Variants in ASF1A observed in about 807,000 individuals in gnomAD.
ASF1A encodes histone chaperone ASF1A.
In ASF1A, 5 loss-of-function variants were observed where a neutral mutation model predicts 22.0. The observed-to-expected ratio is 0.23, with a 90% CI of 0.12 to 0.48. The LOEUF is 0.48. ASF1A is among the 20% of genes least tolerant of loss of function. ASF1A has a pLI of 0.99. For missense variants in ASF1A, 137 were observed against 240.6 expected (o/e 0.57, Z 2.85); for synonymous variants, 97 against 86.7 (o/e 1.12, Z -0.66).
intron 2 of ASF1A, among the ~76,000 whole-genome samples, chr6:118,903,905 A>G (rs1779987235): frequency 6.6e-6 from 1 of 152,216 alleles, no homozygotes; most frequent in African/African-American, 2.4e-5. Flanking sequence ...GATTATCACC[A>G]CGTTTTAAAG....
At chr6:118,898,451 A>G (rs1459724233) in intron 1 of ASF1A, among the ~76,000 whole-genome samples, 3 of 149,158 alleles carry the variant, frequency 2.0e-5, no homozygotes, top group East Asian at 1.9e-4. Flanking sequence ...TTTGGAGACA[A>G]TCTCGTTCCA....
chr6:118,894,871 C>T (rs1431202254), intron 1 of ASF1A, among the ~76,000 whole-genome samples: 1 of 152,180 alleles, frequency 6.6e-6, no homozygotes, highest in Non-Finnish European at 1.5e-5. Flanking sequence ...CAACAGCCTC[C>T]GCGACCCTCC....
chr6:118,900,901 A>G lies in ASF1A; in HGVS notation c.225+20A>G. The G allele has an allele frequency of 2.7e-6, 4 of 1,472,128 alleles. No homozygotes were observed. The highest frequency in any genetic ancestry group is 1.1e-5 in the South Asian group (1 of 88,290). The allele number at this position is 1,472,128 out of a possible 1,614,324, so 91.2% of individuals were successfully genotyped here. A position where few individuals can be genotyped will look rare whatever the true frequency, so the allele number is the denominator to read the frequency against. On this transcript the variant is annotated intron_variant, in intron 2 of 3. Coordinates refer to ENST00000229595, the MANE Select transcript of ASF1A (RefSeq NM_014034.3). Reference sequence around the variant, plus strand: ...TTTCAGGTAAGATTAATCTTGGTAAATGTGTATGCCAAATATGTTTCGAAG... The same window carrying G: ...TTTCAGGTAAGATTAATCTTGGTAAGTGTGTATGCCAAATATGTTTCGAAG...
intron 1 of ASF1A, among the ~76,000 whole-genome samples, chr6:118,895,799 T>A (rs1196503088): frequency 6.6e-6 from 1 of 152,166 alleles, no homozygotes. Context: ...ATGTAAAAAA[T>A]GCATTGAAGA....
intron 1 of ASF1A, among the ~76,000 whole-genome samples, chr6:118,899,886 A>T (rs1176958142): frequency 1.3e-5 from 2 of 152,226 alleles, no homozygotes; most frequent in African/African-American, 4.8e-5. Flanking sequence ...TACCCAAAGA[A>T]GATGAAGAGG....
chr6:118,905,918 G>T, intron 3 of ASF1A, 90 bp downstream of exon 3: 1 of 978,370 alleles, frequency 1.0e-6, no homozygotes, highest in Non-Finnish European at 1.5e-6. Flanking sequence ...CTATTAAAAT[G>T]GCTTTGAGAT....
chr6:118,904,468 C>T (rs140695885), intron 2 of ASF1A, among the ~76,000 whole-genome samples: 69 of 152,316 alleles, frequency 4.5e-4, no homozygotes, highest in African/African-American at 1.6e-3. Flanking sequence ...GATCCATTTA[C>T]CACCCAGAAT....
intron 1 of ASF1A, among the ~76,000 whole-genome samples, chr6:118,899,639 A>C (rs1779670235): frequency 6.6e-6 from 1 of 152,226 alleles, no homozygotes; most frequent in South Asian, 2.1e-4. Flanking sequence ...TTGCTGACTT[A>C]ATAAGAGAAA....
chr6:118,905,819 C>T lies in ASF1A; in HGVS notation c.393C>T (p.Asp131=), dbSNP rs746927496. ...ELRENPPVKP[D]FSKLQRNILA... is the part of the protein sequence containing the mutation. ...GGGAAAATCCACCAGTAAAACCAGACTTTTCTAAGGTAATGTTCTTACTAT... is the reference window on the plus strand; with the variant it reads ...GGGAAAATCCACCAGTAAAACCAGATTTTTCTAAGGTAATGTTCTTACTAT... Residue 131 remains aspartate (D), a synonymous_variant, in exon 3 of 4, where the codon GAC becomes GAT. Transcript: ENST00000229595. The T allele has an allele frequency of 5.6e-6, 9 of 1,599,328 alleles. No homozygotes were observed. In the East Asian group the frequency reaches 1.6e-4, roughly 28 times the overall value.
intron 2 of ASF1A, among the ~76,000 whole-genome samples, chr6:118,902,558 G>T: frequency 8.6e-6 from 1 of 116,106 alleles, no homozygotes; most frequent in South Asian, 2.6e-4. Context: ...GCTACTATAA[G>T]AACTTACAAA....
At chr6:118,899,232 G>C (rs1233326102) in intron 1 of ASF1A, among the ~76,000 whole-genome samples, 1 of 152,152 alleles carries the variant, frequency 6.6e-6, no homozygotes, top group Non-Finnish European at 1.5e-5. Flanking sequence ...AATGAAAGTT[G>C]GCTCCTGTTA....
Position 118,907,465 on chromosome 6 carries a change from AAC to A in ASF1A, c.470_471del (p.Thr157ArgfsTer10). 1 of 1,613,120 alleles carries A rather than the reference AAC, an allele frequency of 6.2e-7. No individual in the cohort carries two copies. The highest frequency in any genetic ancestry group is 8.5e-7 in the Non-Finnish European group (1 of 1,179,452). On this transcript the variant is annotated frameshift_variant, in exon 4 of 4. Coordinates refer to ENST00000229595, the MANE Select transcript of ASF1A (RefSeq NM_014034.3). LOFTEE classifies it high-confidence loss of function. ...VTRFHINWED[N>X]TEKLEDAESS... ...AAGATTCCACATTAATTGGGAAGAT[AAC>A]ACAGAAAAACTGGAAGATGCAGAGA... is the stretch of plus-strand genomic sequence containing the variant.
chr6:118,894,654 T>C, intron 1 of ASF1A, 132 bp downstream of exon 1: 1 of 771,784 alleles, frequency 1.3e-6, no homozygotes, highest in Non-Finnish European at 2.0e-6. Flanking sequence ...GGAGGGAAAC[T>C]TGAAGTTGAT....
intron 1 of ASF1A, 48 bp downstream of exon 1, chr6:118,894,570 C>T (rs1779212790): frequency 6.2e-6 from 9 of 1,453,918 alleles, no homozygotes; most frequent in Non-Finnish European, 8.4e-6. Flanking sequence ...GGGCTGCAGA[C>T]GTTGAAAGTT....
chr6:118,894,264 TAA>T lies in ASF1A; in HGVS notation c.-146_-145del, dbSNP rs1328922929. Reference sequence around the variant, plus strand: ...ACACTGTGGAGTGCTCCCGTGTAAATAAAAAGAGGAAAAAAGTTTCTCAAGTC... The same window carrying T: ...ACACTGTGGAGTGCTCCCGTGTAAATAAAGAGGAAAAAAGTTTCTCAAGTC... On this transcript the variant is annotated 5_prime_UTR_variant, in exon 1 of 4. Transcript: ENST00000229595. The T allele has an allele frequency of 1.1e-5, 16 of 1,457,908 alleles. No individual in the cohort carries two copies. The African/African-American group carries it at 1.7e-4, about 16-fold the overall frequency. The allele number at this position is 1,457,908 out of a possible 1,614,324, so 90.3% of individuals were successfully genotyped here.
At chr6:118,901,002 C>A in intron 2 of ASF1A, 121 bp downstream of exon 2, 1 of 693,294 alleles carries the variant, frequency 1.4e-6, no homozygotes, top group Non-Finnish European at 2.5e-6. Flanking sequence ...GCTGCATTCA[C>A]TTTAAATCTG....
chr6:118,894,562 G>A (rs1294449306), intron 1 of ASF1A, 40 bp downstream of exon 1: 1 of 1,483,986 alleles, frequency 6.7e-7, no homozygotes, highest in Non-Finnish European at 9.1e-7. Flanking sequence ...TCAGTTGCGG[G>A]CTGCAGACGT....
Position 118,894,183 on chromosome 6 carries a change from C to T in ASF1A, c.-231C>T, listed in dbSNP as rs1482715237. 3 of 1,304,586 alleles carry T rather than the reference C, an allele frequency of 2.3e-6. No individual in the cohort carries two copies. The highest frequency in any genetic ancestry group is 1.5e-5 in the African/African-American group (1 of 66,188). 80.8% of individuals were successfully genotyped at this position (1,304,586 alleles called of 1,614,324 possible). ...CGGGTGCAGCCAATCGAGGGCAACG[C>T]TGCTACTTATCAGAGCAGAATGGGC... On this transcript the variant is annotated 5_prime_UTR_variant, in exon 1 of 4. Transcript: ENST00000229595.
At chr6:118,894,556 T>G (rs545813114) in intron 1 of ASF1A, 34 bp downstream of exon 1, 1 of 1,498,996 alleles carries the variant, frequency 6.7e-7, no homozygotes, top group East Asian at 2.5e-5. Flanking sequence ...GGGCTGTCAG[T>G]TGCGGGCTGC....
Sources: gnomAD v4.1 joint callset for allele counts (sites outside exome capture counted in the v4.1 genomes callset) on GRCh38, gnomAD v4.1.1 for gene constraint, MANE v1.5 for transcripts, NCBI Gene and HGNC (gene_info 2026-07-23, HGNC 2026-07-21) for gene names.